NCAM2: variants seen among roughly 807,000 people sequenced by gnomAD.
NCAM2 encodes N-CAM-2.
A neutral mutation model predicts 98.1 loss-of-function variants in NCAM2; 30 were observed. That is an observed-to-expected ratio of 0.31 (90% CI 0.23 to 0.41). The LOEUF is 0.41. Ranked by LOEUF, NCAM2 falls within the 10% of genes least tolerant of loss-of-function variation. NCAM2 has a pLI of 1.00. For synonymous variants in NCAM2, 368 were observed against 342.4 expected, an observed-to-expected ratio of 1.07 and a Z score of -0.83; for missense variants, 867 against 1,005.8, an observed-to-expected ratio of 0.86 and a Z score of 1.87.
intron 9 of NCAM2, among the ~76,000 whole-genome samples, chr21:21,403,148 T>G (rs922037535): frequency 1.8e-4 from 27 of 151,164 alleles, no homozygotes; most frequent in African/African-American, 6.4e-4. Flanking sequence ...AGATTATGTG[T>G]TTTTTTTGCT....
intron 1 of NCAM2, among the ~76,000 whole-genome samples, chr21:21,118,635 T>A (rs1333236595): frequency 6.6e-6 from 1 of 152,194 alleles, no homozygotes; most frequent in Non-Finnish European, 1.5e-5. Flanking sequence ...CTTTCATTTC[T>A]TTCTTCTACT....
chr21:21,309,901 T>C (rs1332082296), intron 5 of NCAM2, among the ~76,000 whole-genome samples: 1 of 152,212 alleles, frequency 6.6e-6, no homozygotes, highest in Non-Finnish European at 1.5e-5. Flanking sequence ...CACAAAGTCT[T>C]GAAAAACAGT....
intron 1 of NCAM2, among the ~76,000 whole-genome samples, chr21:21,017,995 C>T (rs1359823010): frequency 6.6e-6 from 1 of 152,022 alleles, no homozygotes; most frequent in Non-Finnish European, 1.5e-5. Context: ...TTATTTGTTT[C>T]ATTAGTTTCA....
chr21:21,341,584 G>A (rs917296587), intron 8 of NCAM2, among the ~76,000 whole-genome samples: 3 of 152,020 alleles, frequency 2.0e-5, no homozygotes, highest in African/African-American at 7.2e-5. Flanking sequence ...ATCAAAAATA[G>A]TGAAATATCA....
chr21:21,520,353 C>G (rs2146386487), intron 16 of NCAM2, among the ~76,000 whole-genome samples: 1 of 152,070 alleles, frequency 6.6e-6, no homozygotes, highest in South Asian at 2.1e-4. Context: ...TTTATGTAAG[C>G]AAGTTGTGAA....
intron 1 of NCAM2, among the ~76,000 whole-genome samples, chr21:21,099,434 C>T (rs1011289493): frequency 1.3e-5 from 2 of 151,790 alleles, no homozygotes; most frequent in African/African-American, 4.8e-5. Flanking sequence ...GGGGAGACCT[C>T]AGGAAAAATA....
intron 1 of NCAM2, among the ~76,000 whole-genome samples, chr21:21,264,783 T>C (rs200619711): frequency 9.1e-3 from 128 of 14,032 alleles, no homozygotes; most frequent in Non-Finnish European, 0.014. Flanking sequence ...TATATATACA[T>C]ATATATATAT....
chr21:21,449,656 A>G (rs1211940317), intron 12 of NCAM2, among the ~76,000 whole-genome samples: 1 of 152,062 alleles, frequency 6.6e-6, no homozygotes. Flanking sequence ...TACTTACTAT[A>G]AACATTAAAT....
chr21:21,220,801 C>A (rs972809216), intron 1 of NCAM2, among the ~76,000 whole-genome samples: 2 of 152,154 alleles, frequency 1.3e-5, no homozygotes, highest in African/African-American at 4.8e-5. Flanking sequence ...TTTTTATAAG[C>A]TGCTGGTACA....
intron 1 of NCAM2, among the ~76,000 whole-genome samples, chr21:21,160,189 G>A (rs2067739061): frequency 6.6e-6 from 1 of 151,982 alleles, no homozygotes; most frequent in Non-Finnish European, 1.5e-5. Context: ...AATATTTTCA[G>A]CGTGTGGACA....
At chr21:21,467,166 T>C (rs1253934286) in intron 13 of NCAM2, among the ~76,000 whole-genome samples, 4 of 151,878 alleles carry the variant, frequency 2.6e-5, no homozygotes, top group Admixed American at 6.6e-5. Flanking sequence ...GTTAATTCAT[T>C]AAAACAGTGA....
chr21:21,220,487 C>A lies in NCAM2; in HGVS notation c.56-60091C>A, dbSNP rs183114731. On this transcript the variant is annotated intron_variant, in intron 1 of 17. Coordinates refer to ENST00000400546, the MANE Select transcript of NCAM2 (RefSeq NM_004540.5). ...TTGTAGTACACTATAGTGTCTAGGT[C>A]TGTGTAAGCAAATTCTATCATGTCA... Among the ~76,000 whole-genome samples, 131 of 152,186 alleles carry A rather than the reference C, an allele frequency of 8.6e-4. 1 individual carries two copies. Among genetic ancestry groups the A allele is most frequent in the African/African-American group, 3.1e-3 (128 of 41,526 alleles).
At chr21:21,058,669 A>ATTTTTTTTTTTTTTT (rs59289753) in intron 1 of NCAM2, among the ~76,000 whole-genome samples, 1 of 144,852 alleles carries the variant, frequency 6.9e-6, no homozygotes. Context: ...TTCACACAGG[A>ATTTTTTTTTTTTTTT]TTTTTTTTTT....
intron 1 of NCAM2, among the ~76,000 whole-genome samples, chr21:21,010,217 G>T (rs1231058668): frequency 6.6e-6 from 1 of 151,826 alleles, no homozygotes; most frequent in Non-Finnish European, 1.5e-5. Flanking sequence ...TTATTTCAAA[G>T]CCCCCTCATA....
intron 1 of NCAM2, among the ~76,000 whole-genome samples, chr21:21,033,054 C>A (rs939930056): frequency 2.6e-5 from 4 of 151,840 alleles, no homozygotes; most frequent in African/African-American, 9.7e-5. Flanking sequence ...AAAGGTTTCT[C>A]CTGCCTCTGC....
chr21:21,142,354 A>C (rs1305252329), intron 1 of NCAM2, among the ~76,000 whole-genome samples: 2 of 144,026 alleles, frequency 1.4e-5, no homozygotes, highest in Admixed American at 1.4e-4. Flanking sequence ...CACTTTTTAA[A>C]TTATTTGACC....
chr21:21,509,010 C>T lies in NCAM2; in HGVS notation c.2237C>T (p.Ser746Phe). 3.1e-6 allele frequency: 5 copies of T among 1,612,958 alleles called. No individual in the cohort carries two copies. The highest frequency in any genetic ancestry group is 4.2e-6 in the Non-Finnish European group (5 of 1,179,660). Reference protein sequence around the residue: ...TRRMCGKKSGSSGKSKELEEG... With the variant: ...TRRMCGKKSGFSGKSKELEEG... ...AGAATGTGTGGAAAGAAAAGTGGCT[C>T]CAGTGGCAAAAGTAAAGAACTCGAA... The change falls in exon 16 of 18, where the codon TCC becomes TTC. Residue 746 changes from serine to phenylalanine, a missense_variant. Physicochemically the swap from Ser to Phe is radical, Grantham distance 155. Transcript: ENST00000400546.
chr21:21,393,518 A>G (rs2076427476), intron 9 of NCAM2, among the ~76,000 whole-genome samples: 3 of 152,180 alleles, frequency 2.0e-5, no homozygotes, highest in African/African-American at 2.4e-5. Context: ...GATCTTTATT[A>G]ACCTAATAAG....
At chr21:21,523,692 A>C (rs1403717976) in intron 16 of NCAM2, among the ~76,000 whole-genome samples, 1 of 152,062 alleles carries the variant, frequency 6.6e-6, no homozygotes, top group Non-Finnish European at 1.5e-5. Flanking sequence ...ACCCATTAAG[A>C]AGTACAGTGT....
Sources: allele counts gnomAD v4.1 joint callset (sites outside exome capture counted in the v4.1 genomes callset), GRCh38; gene constraint gnomAD v4.1.1; transcripts MANE v1.5; gene names NCBI Gene and HGNC (gene_info 2026-07-23, HGNC 2026-07-21).